Variants in SPECC1 observed in about 807,000 individuals in gnomAD.
SPECC1 encodes the protein cytospin-B.
In SPECC1, 62 loss-of-function variants were observed where a neutral mutation model predicts 104.1. The ratio of observed to expected loss-of-function variants is 0.60; its 90% CI spans 0.49 to 0.74. The LOEUF is 0.74. Among genes scored for constraint, SPECC1 ranks in the 30% least tolerant of loss-of-function variants. SPECC1 has a pLI of 0.00. For synonymous variants in SPECC1, 513 were observed against 501.6 expected (o/e 1.02, Z -0.30); for missense variants, 1,306 against 1,310.5 (o/e 1.00, Z 0.05).
At chr17:20,160,635 A>G (rs1176425735) in intron 3 of SPECC1, among the ~76,000 whole-genome samples, 2 of 152,206 alleles carry the variant, frequency 1.3e-5, no homozygotes, top group Admixed American at 6.5e-5. Context: ...TTCTAAATTA[A>G]TATTTTGCTG....
chr17:20,157,595 C>A (rs1278441683), intron 3 of SPECC1, among the ~76,000 whole-genome samples: 1 of 152,142 alleles, frequency 6.6e-6, no homozygotes, highest in African/African-American at 2.4e-5. Flanking sequence ...GTGAAAACCC[C>A]TGTGTATTAT....
chr17:20,078,628 C>CT (rs1474721991), intron 1 of SPECC1, among the ~76,000 whole-genome samples: 3 of 152,070 alleles, frequency 2.0e-5, no homozygotes, highest in Non-Finnish European at 4.4e-5. Flanking sequence ...TTTATAAAAT[C>CT]TATCAAAAGG....
chr17:20,082,385 A>AT (rs1336732974), intron 1 of SPECC1, among the ~76,000 whole-genome samples: 1 of 152,160 alleles, frequency 6.6e-6, no homozygotes, highest in African/African-American at 2.4e-5. Flanking sequence ...GAATTGCTTC[A>AT]TCCCAGGAGT....
Position 20,244,417 on chromosome 17 carries a change from A to G in SPECC1, c.2352-1509A>G, listed in dbSNP as rs1942363312. On this transcript the variant is annotated intron_variant, in intron 7 of 14. Coordinates refer to ENST00000395527, the MANE Select transcript of SPECC1 (RefSeq NM_001243439.2). ...CTCTCAATAAAATTATTTAAAAATT[A>G]TTTTAAAAACCCAACCTCCTACAAT... 2.0e-5 allele frequency among the ~76,000 whole-genome samples: 3 copies of G among 152,212 alleles called. 1 individual carries two copies. The South Asian group carries it at 6.2e-4, about 31-fold the overall frequency.
chr17:20,076,344 C>T (rs548122471), intron 1 of SPECC1, among the ~76,000 whole-genome samples: 20 of 152,202 alleles, frequency 1.3e-4, no homozygotes, highest in Non-Finnish European at 1.9e-4. Flanking sequence ...GGATTACAGG[C>T]GTGTGCCAAC....
intron 3 of SPECC1, among the ~76,000 whole-genome samples, chr17:20,154,124 C>T (rs1164364648): frequency 6.6e-6 from 1 of 152,236 alleles, no homozygotes; most frequent in Admixed American, 6.5e-5. Context: ...TGTCTGCTGC[C>T]TGCAGCCTAT....
At chr17:20,054,202 T>C (rs1325186027) in intron 1 of SPECC1, among the ~76,000 whole-genome samples, 1 of 152,226 alleles carries the variant, frequency 6.6e-6, no homozygotes, top group Non-Finnish European at 1.5e-5. Flanking sequence ...AATTTGAGCA[T>C]CTTTCTTCTT....
rs2036627795 is a variant in SPECC1 at position 20,204,379 on chromosome 17, A to G, written c.330A>G (p.Glu110=). Residue 110 remains glutamate, a synonymous_variant, in exon 4 of 15, where the codon GAA becomes GAG. Transcript: ENST00000395527. ...GGACAGGCATTCCAGCCCCACGGGA[A>G]TTTTCAGTAACTGTCTCAAGAGAGA... ...TKRTGIPAPR[E]FSVTVSRERS... is the part of the protein sequence containing the mutation. 1 of 1,613,806 alleles carries G rather than the reference A, an allele frequency of 6.2e-7. No individual in the cohort carries two copies. Among genetic ancestry groups the G allele is most frequent in the African/African-American group, 1.3e-5 (1 of 74,868 alleles).
At chr17:20,106,124 C>T (rs960201242) in intron 2 of SPECC1, among the ~76,000 whole-genome samples, 11 of 152,164 alleles carry the variant, frequency 7.2e-5, no homozygotes, top group Non-Finnish European at 1.6e-4. Context: ...ATTCCCTTAA[C>T]CACTGTGATT....
chr17:20,110,640 A>C (rs934250097), intron 3 of SPECC1, 78 bp downstream of exon 3: 3 of 1,411,616 alleles, frequency 2.1e-6, no homozygotes, highest in Non-Finnish European at 2.8e-6. Flanking sequence ...CCCATGACCC[A>C]TCCATTCCTT....
At chr17:20,137,828 G>C (rs1465183305) in intron 3 of SPECC1, among the ~76,000 whole-genome samples, 2 of 151,922 alleles carry the variant, frequency 1.3e-5, no homozygotes, top group African/African-American at 4.8e-5. Context: ...ACCAAGCCCA[G>C]CTAATTTTTG....
At chr17:20,241,613 A>G (rs2039206808) in intron 7 of SPECC1, among the ~76,000 whole-genome samples, 1 of 152,192 alleles carries the variant, frequency 6.6e-6, no homozygotes, top group African/African-American at 2.4e-5. Context: ...ATACTCGACT[A>G]CAGGACTTTT....
At chr17:20,066,636 C>T (rs914767535) in intron 1 of SPECC1, among the ~76,000 whole-genome samples, 14 of 152,250 alleles carry the variant, frequency 9.2e-5, no homozygotes, top group Middle Eastern at 3.4e-3. Context: ...ATTATTTCTA[C>T]GAATAAGAAA....
chr17:20,210,879 C>G (rs2037100661), intron 4 of SPECC1, among the ~76,000 whole-genome samples: 1 of 152,178 alleles, frequency 6.6e-6, no homozygotes, highest in South Asian at 2.1e-4. Flanking sequence ...CAGTGACTGT[C>G]TGGCAGTCAT....
chr17:20,303,814 G>A lies in SPECC1; in HGVS notation c.3058-2209G>A, dbSNP rs137883325. Reference sequence around the variant, plus strand: ...CTAAAAATACAAAAATTAGCCAGGCGTGGTAGTGGGCGCGTGTAGTCCCAG... The same window carrying A: ...CTAAAAATACAAAAATTAGCCAGGCATGGTAGTGGGCGCGTGTAGTCCCAG... On this transcript the variant is annotated intron_variant, in intron 13 of 14. Transcript: ENST00000395527. Among the ~76,000 whole-genome samples the A allele has an allele frequency of 1.1e-4, 16 of 152,032 alleles. No individual in the cohort carries two copies. In the East Asian group the frequency reaches 2.9e-3, roughly 28 times the overall value.
intron 12 of SPECC1, among the ~76,000 whole-genome samples, chr17:20,284,142 A>G (rs1217685169): frequency 2.0e-5 from 3 of 152,198 alleles, no homozygotes; most frequent in African/African-American, 4.8e-5. Flanking sequence ...CTAGGAAACA[A>G]GCGATGCGAG....
intron 1 of SPECC1, among the ~76,000 whole-genome samples, chr17:20,029,199 TG>T (rs2044713785): frequency 6.6e-6 from 1 of 152,228 alleles, no homozygotes; most frequent in East Asian, 1.9e-4. Context: ...AACAGTGTTT[TG>T]TAGCTTCTAG....
intron 3 of SPECC1, 90 bp from the exon 4 acceptor site, chr17:20,204,243 C>T (rs1597965913): frequency 6.9e-7 from 1 of 1,443,270 alleles, no homozygotes; most frequent in African/African-American, 1.4e-5. Flanking sequence ...CAGCCACTGT[C>T]CACTGTGCCA....
intron 3 of SPECC1, among the ~76,000 whole-genome samples, chr17:20,146,775 G>A (rs932133665): frequency 4.6e-5 from 7 of 151,960 alleles, no homozygotes; most frequent in Non-Finnish European, 1.0e-4. Flanking sequence ...GCATGGTGGC[G>A]GGTGCCTGTA....
Sources: allele counts gnomAD v4.1 joint callset (sites outside exome capture counted in the v4.1 genomes callset), GRCh38; gene constraint gnomAD v4.1.1; transcripts MANE v1.5; gene names NCBI Gene and HGNC (gene_info 2026-07-23, HGNC 2026-07-21).